SH3GL3: variants seen among roughly 807,000 people sequenced by gnomAD.
SH3GL3 encodes endophilin-A3.
SH3GL3 carries 33 observed loss-of-function variants against 47.7 expected under a neutral mutation model. The observed-to-expected ratio is 0.69, with a 90% CI of 0.52 to 0.92. The LOEUF (loss-of-function observed/expected upper bound fraction) is 0.92, where lower values mean the gene tolerates loss of function less well. SH3GL3 is among the 40% of genes least tolerant of loss of function. The pLI is 0.00. For synonymous variants in SH3GL3, 155 were observed against 148.8 expected (o/e 1.04, Z -0.30); for missense variants, 363 against 417.8 (o/e 0.87, Z 1.14).
At chr15:83,581,619 C>G (rs2059830377) in intron 6 of SH3GL3, among the ~76,000 whole-genome samples, 1 of 152,164 alleles carries the variant, frequency 6.6e-6, no homozygotes, top group South Asian at 2.1e-4. Context: ...TCTAGGTACC[C>G]TGGTTATTAG....
At chr15:83,565,982 T>C (rs1330862746) in intron 3 of SH3GL3, 2 of 152,204 alleles carry the variant, frequency 1.3e-5, no homozygotes, top group Non-Finnish European at 2.9e-5. Flanking sequence ...TTGATGATAA[T>C]AGCTTTGAAA....
At chr15:83,620,009 TCAC>T (rs145509454), downstream of SH3GL3, among the ~76,000 whole-genome samples, 1,174 of 152,352 alleles carry the variant, frequency 7.7e-3, 8 homozygotes, top group African/African-American at 0.026. Flanking sequence ...CACAGCATCT[TCAC>T]CAAGAGTAGA....
chr15:83,483,915 A>G (rs1302714882), intron 1 of SH3GL3, among the ~76,000 whole-genome samples: 2 of 152,234 alleles, frequency 1.3e-5, no homozygotes, highest in East Asian at 1.9e-4. Context: ...AAGCTGATCT[A>G]GATACTTCTC....
chr15:83,627,307 G>T, the SH3GL3 span, among the ~76,000 whole-genome samples: 1 of 150,618 alleles, frequency 6.6e-6, no homozygotes, highest in Non-Finnish European at 1.5e-5. Context: ...TGAGGCCGGA[G>T]AATGGGTTGA....
intron 1 of SH3GL3, among the ~76,000 whole-genome samples, chr15:83,538,138 TAG>T (rs1197171348): frequency 6.6e-6 from 1 of 152,194 alleles, no homozygotes; most frequent in Non-Finnish European, 1.5e-5. Flanking sequence ...CTCTTGAGTA[TAG>T]GTTATTAGAC....
chr15:83,465,305 G>A (rs1419424520), intron 1 of SH3GL3, among the ~76,000 whole-genome samples: 1 of 151,646 alleles, frequency 6.6e-6, no homozygotes, highest in Non-Finnish European at 1.5e-5. Context: ...GCAAGACTCT[G>A]TCTCAAAATA....
chr15:83,482,953 A>G (rs184104459), intron 1 of SH3GL3, among the ~76,000 whole-genome samples: 1 of 151,466 alleles, frequency 6.6e-6, no homozygotes, highest in Non-Finnish European at 1.5e-5. Flanking sequence ...TCCTTCTTCC[A>G]GGGGGCAATG....
chr15:83,502,161 C>G (rs2151608738), intron 1 of SH3GL3, among the ~76,000 whole-genome samples: 1 of 152,318 alleles, frequency 6.6e-6, no homozygotes, highest in Non-Finnish European at 1.5e-5. Flanking sequence ...TAGCCTTTAC[C>G]CAAGGGTCTA....
intron 3 of SH3GL3, among the ~76,000 whole-genome samples, chr15:83,566,442 C>A (rs1349340903): frequency 6.7e-6 from 1 of 149,504 alleles, no homozygotes; most frequent in African/African-American, 2.5e-5. Context: ...GCTTGGGGAC[C>A]TGGAGGATAA....
intron 1 of SH3GL3, among the ~76,000 whole-genome samples, chr15:83,457,147 A>G (rs2040030775): frequency 6.6e-6 from 1 of 152,214 alleles, no homozygotes; most frequent in Non-Finnish European, 1.5e-5. Context: ...TCTGACCTGG[A>G]AAGTACTAAT....
chr15:83,475,630 C>T (rs962160522), intron 1 of SH3GL3, among the ~76,000 whole-genome samples: 8 of 152,186 alleles, frequency 5.3e-5, no homozygotes, highest in Non-Finnish European at 8.8e-5. Context: ...AAATTGTCAC[C>T]TGTTGTATTG....
the SH3GL3 span, among the ~76,000 whole-genome samples, chr15:83,627,185 C>T: frequency 6.6e-6 from 1 of 152,108 alleles, no homozygotes; most frequent in Non-Finnish European, 1.5e-5. Flanking sequence ...ATCACGAGGT[C>T]AGCAGACAGA....
chr15:83,603,832 T>A (rs2060448681), intron 8 of SH3GL3, among the ~76,000 whole-genome samples: 1 of 152,184 alleles, frequency 6.6e-6, no homozygotes. Flanking sequence ...TTTGCCATAA[T>A]CTAACAGGTC....
intron 1 of SH3GL3, among the ~76,000 whole-genome samples, chr15:83,550,400 A>T (rs373712770): frequency 6.6e-6 from 1 of 151,622 alleles, no homozygotes. Flanking sequence ...TATTTTATTT[A>T]TTTTTTTTGA....
chr15:83,520,065 C>T (rs1483721270), intron 1 of SH3GL3, among the ~76,000 whole-genome samples: 1 of 152,130 alleles, frequency 6.6e-6, no homozygotes, highest in Non-Finnish European at 1.5e-5. Context: ...TGTGCCAGTT[C>T]CCAGAGCCCA....
chr15:83,504,671 G>A (rs1199689347), intron 1 of SH3GL3, among the ~76,000 whole-genome samples: 1 of 152,152 alleles, frequency 6.6e-6, no homozygotes, highest in Non-Finnish European at 1.5e-5. Flanking sequence ...TGAGCTGGGA[G>A]GCAGATCCTC....
At chr15:83,495,925 G>A (rs2042058049) in intron 1 of SH3GL3, among the ~76,000 whole-genome samples, 1 of 151,774 alleles carries the variant, frequency 6.6e-6, no homozygotes, top group South Asian at 2.1e-4. Flanking sequence ...GTGTAGTACA[G>A]TTTTAATTGC....
intron 1 of SH3GL3, among the ~76,000 whole-genome samples, chr15:83,553,559 C>T (rs1241541765): frequency 6.6e-6 from 1 of 152,060 alleles, no homozygotes; most frequent in East Asian, 1.9e-4. Context: ...TAACAGTGTG[C>T]TGGTATGGAT....
chr15:83,474,022 C>A (rs972483945), intron 1 of SH3GL3, among the ~76,000 whole-genome samples: 8 of 151,988 alleles, frequency 5.3e-5, no homozygotes, highest in African/African-American at 1.7e-4. Context: ...CTTTCAGAGT[C>A]TTCTTATGTT....
Sources: allele counts gnomAD v4.1 joint callset (sites outside exome capture counted in the v4.1 genomes callset), GRCh38; gene constraint gnomAD v4.1.1; transcripts MANE v1.5; gene names NCBI Gene and HGNC (gene_info 2026-07-23, HGNC 2026-07-21).